PTCH1: variants seen among roughly 807,000 people sequenced by gnomAD.
PTCH1 encodes the protein patched 1, also known as protein patched homolog 1.
PTCH1 carries 14 observed loss-of-function variants against 144.6 expected under a neutral mutation model. The observed-to-expected ratio is 0.10, with a 90% CI of 0.06 to 0.15. PTCH1 has a LOEUF of 0.15. PTCH1 is among the 10% of genes least tolerant of loss of function. The pLI is 1.00. For synonymous variants in PTCH1, 833 were observed against 793.6 expected, an observed-to-expected ratio of 1.05 and a Z score of -0.83; for missense variants, 1,623 against 1,948.3, an observed-to-expected ratio of 0.83 and a Z score of 3.14.
At chr9:95,481,733 A>C (rs548568917) in intron 5 of PTCH1, 1 of 589,850 alleles carries the variant, frequency 1.7e-6, no homozygotes, top group East Asian at 2.8e-5. Context: ...AAGTGAATGA[A>C]ATTTAATGAC....
Position 95,485,798 on chromosome 9 carries a change from G to A in PTCH1, c.471C>T (p.Leu157=), listed in dbSNP as rs1214105331. The A allele has an allele frequency of 6.2e-7, 1 of 1,614,204 alleles. No homozygotes were observed. Reference sequence around the variant, plus strand: ...CTTCTTCTTTAGGGGTCTGTATCATGAGTTGAGGATTAAACATAGCCTCTT... The same window carrying A: ...CTTCTTCTTTAGGGGTCTGTATCATAAGTTGAGGATTAAACATAGCCTCTT... ...IGEEAMFNPQ[L]MIQTPKEEGA... is the part of the protein sequence containing the mutation. The change falls in exon 3 of 24, where the codon CTC becomes CTT. Residue 157 remains leucine (L), a synonymous_variant. Transcript: ENST00000331920.
chr9:95,450,135 G>A (rs1181335646), intron 20 of PTCH1, 195 bp from the exon 21 acceptor site: 3 of 630,892 alleles, frequency 4.8e-6, no homozygotes, highest in Non-Finnish European at 8.7e-6. Context: ...TTATGACTTT[G>A]AGGACTACAT....
Position 95,508,377 on chromosome 9 carries a change from G to GCCA in PTCH1, c.-17_-16insTGG. ...CCGAGGCCATGTTGCCGCCGCCGCC[G>GCCA]CCGCCGCCGCGGGGACGGAGGCTTC... On this transcript the variant is annotated 5_prime_UTR_variant, in exon 1 of 24. Coordinates refer to ENST00000331920, the MANE Select transcript of PTCH1 (RefSeq NM_000264.5). 1.7e-6 allele frequency: 2 copies of GCCA among 1,159,052 alleles called. No homozygotes were observed. Among genetic ancestry groups the GCCA allele is most frequent in the Non-Finnish European group, 2.1e-6 (2 of 943,522 alleles). The allele number at this position is 1,159,052 out of a possible 1,614,324, so 71.8% of individuals were successfully genotyped here. A position where few individuals can be genotyped will look rare whatever the true frequency, so the allele number is the denominator to read the frequency against.
intron 20 of PTCH1, 102 bp from the exon 21 acceptor site, chr9:95,450,042 A>C (rs1172390486): frequency 9.7e-7 from 1 of 1,026,572 alleles, no homozygotes; most frequent in Non-Finnish European, 1.5e-6. Context: ...GAAATGAACA[A>C]AACCCACCCC....
intron 20 of PTCH1, chr9:95,451,318 G>A (rs1379700720): frequency 6.6e-6 from 1 of 152,174 alleles, no homozygotes. Context: ...GATTTCTGAC[G>A]GCTTAGCATA....
At chr9:95,452,671 C>G (rs1838567459) in intron 20 of PTCH1, 1 of 152,262 alleles carries the variant, frequency 6.6e-6, no homozygotes, top group Non-Finnish European at 1.5e-5. Flanking sequence ...CCAAACTAGG[C>G]TTAGATTCCC....
At chr9:95,486,514 C>A (rs187277487) in intron 2 of PTCH1, among the ~76,000 whole-genome samples, 164 of 152,368 alleles carry the variant, frequency 1.1e-3, no homozygotes, top group African/African-American at 3.8e-3. Flanking sequence ...TGGTCAGCAT[C>A]CAGAAAACAC....
chr9:95,468,526 A>G (rs1057035033), intron 14 of PTCH1, among the ~76,000 whole-genome samples: 2 of 152,222 alleles, frequency 1.3e-5, no homozygotes, highest in Admixed American at 6.5e-5. Flanking sequence ...AACCTCATTC[A>G]TAAAAAGACT....
intron 2 of PTCH1, among the ~76,000 whole-genome samples, chr9:95,501,391 T>C (rs1053020928): frequency 1.3e-5 from 2 of 152,084 alleles, no homozygotes; most frequent in African/African-American, 2.4e-5. Flanking sequence ...TTGCTCCAAA[T>C]TGAAGGAGTG....
At chr9:95,470,050 T>C (rs550545264) in intron 12 of PTCH1, 119 bp from the exon 13 acceptor site, 1 of 793,186 alleles carries the variant, frequency 1.3e-6, no homozygotes, top group African/African-American at 1.7e-5. Context: ...TTGAAGCATT[T>C]GAAACCGTGA....
At position 95,446,890 on chromosome 9, in the gene PTCH1, G is replaced by GC. The variant is rs1064796211; in HGVS notation, c.*1+20dup. ...TTGCCTGGCTCTAGGTCCCTTGGCT[G>GC]CCCTTGTCAGTGGCACTCACCTCAG... On this transcript the variant is annotated intron_variant, in intron 23 of 23. Transcript: ENST00000331920. 1.2e-6 allele frequency: 2 copies of GC among 1,613,362 alleles called. No individual in the cohort carries two copies. The highest frequency in any genetic ancestry group is 1.7e-6 in the Non-Finnish European group (2 of 1,180,026).
In PTCH1 at chr9:95,446,408, A is replaced by G; in HGVS notation, c.*2-17T>C. On this transcript the variant is annotated splice_polypyrimidine_tract_variant and intron_variant, in intron 23 of 23. Coordinates refer to ENST00000331920, the MANE Select transcript of PTCH1 (RefSeq NM_000264.5). ...TTAATCACCCTTTAAAAGGAAGCAAAAAAGGAAGTTGAACAGAGTAAGAGG... is the reference window on the plus strand; with the variant it reads ...TTAATCACCCTTTAAAAGGAAGCAAGAAAGGAAGTTGAACAGAGTAAGAGG... 1.9e-6 allele frequency: 1 copy of G among 518,850 alleles called. No individual in the cohort carries two copies. The highest frequency in any genetic ancestry group is 3.8e-6 in the Non-Finnish European group (1 of 259,974). 32.1% of individuals were successfully genotyped at this position (518,850 alleles called of 1,614,324 possible). A position where few individuals can be genotyped will look rare whatever the true frequency, so the allele number is the denominator to read the frequency against.
In PTCH1 at chr9:95,443,898, G is replaced by A. The variant is rs1837665097; in HGVS notation, c.*2495C>T. ...AACTCCTTACCCTAAAACCTACCAT[G>A]AGTCCTTAATGTAAATGTTATATAC... On this transcript the variant is annotated 3_prime_UTR_variant, in exon 24 of 24. Transcript: ENST00000331920. 1 of 152,472 alleles carries A rather than the reference G, an allele frequency of 6.6e-6. No homozygotes were observed. The highest frequency in any genetic ancestry group is 1.5e-5 in the Non-Finnish European group (1 of 67,996). The allele number at this position is 152,472 out of a possible 1,614,324, so 9.4% of individuals were successfully genotyped here.
At chr9:95,469,673 T>C in intron 13 of PTCH1, 140 bp downstream of exon 13, 2 of 880,748 alleles carry the variant, frequency 2.3e-6, no homozygotes, top group Non-Finnish European at 3.8e-6. Flanking sequence ...AAGCAGCCTC[T>C]GTCCAATCTC....
rs745669155 is a variant in PTCH1 at position 95,476,842 on chromosome 9, C to G, written c.1519G>C (p.Ala507Pro). 6.2e-7 allele frequency: 1 copy of G among 1,613,950 alleles called. No individual in the cohort carries two copies. ...AATTQVLPFL[A>P]LGVGVDDVFL... is the part of the protein sequence containing the mutation. ...ACATCATCCACACCAACACCAAGAG[C>G]GAGAAATGGCAAAACCTACAGCAAA... Residue 507 changes from alanine to proline, a missense_variant, in exon 11 of 24, where the codon GCT becomes CCT. Transcript: ENST00000331920. The surrounding 1 kb of genome is among the most constrained non-coding windows in gnomAD (Gnocchi z 4.6).
At chr9:95,447,495 G>A in intron 22 of PTCH1, 44 bp from the exon 23 acceptor site, 5 of 1,501,354 alleles carry the variant, frequency 3.3e-6, no homozygotes, top group South Asian at 2.6e-5. Context: ...ATCCCAGGCT[G>A]GGCATGGTCC....
intron 2 of PTCH1, 171 bp downstream of exon 2, chr9:95,506,236 T>C: frequency 2.7e-6 from 2 of 732,238 alleles, no homozygotes; most frequent in South Asian, 2.0e-5. Flanking sequence ...GCGGCCTTTG[T>C]CGGGCGGGCC....
At chr9:95,512,765 G>A (rs946661619), upstream of PTCH1, among the ~76,000 whole-genome samples, 15 of 152,174 alleles carry the variant, frequency 9.9e-5, no homozygotes, top group Admixed American at 2.0e-4. Flanking sequence ...GGTGTCCTCC[G>A]GGAAGACAGT....
intron 7 of PTCH1, chr9:95,479,757 T>A: frequency 1.4e-6 from 1 of 722,244 alleles, no homozygotes; most frequent in Non-Finnish European, 2.3e-6. Flanking sequence ...TGATGAAAAC[T>A]ACAAATCCAT....
Sources: allele counts gnomAD v4.1 joint callset (sites outside exome capture counted in the v4.1 genomes callset), GRCh38; gene constraint gnomAD v4.1.1; non-coding constraint Gnocchi (gnomAD v3.1); transcripts MANE v1.5; gene names NCBI Gene and HGNC (gene_info 2026-07-23, HGNC 2026-07-21).